Variants in SRGAP1 observed in about 807,000 individuals in gnomAD.
The protein encoded by SRGAP1 is SLIT-ROBO Rho GTPase activating protein 1.
In SRGAP1, 43 loss-of-function variants were observed where a neutral mutation model predicts 121.9. The ratio of observed to expected loss-of-function variants is 0.35; its 90% CI spans 0.28 to 0.46. The LOEUF is 0.46. Among genes scored for constraint, SRGAP1 ranks in the 20% least tolerant of loss-of-function variants. The pLI is 1.00. For missense variants in SRGAP1, 1,102 were observed against 1,350.9 expected, an observed-to-expected ratio of 0.82 and a Z score of 2.89; for synonymous variants, 447 against 485.4, an observed-to-expected ratio of 0.92 and a Z score of 1.04.
intron 1 of SRGAP1, among the ~76,000 whole-genome samples, chr12:63,913,313 C>G (rs1236286855): frequency 6.9e-6 from 1 of 145,310 alleles, no homozygotes. Flanking sequence ...TGCTCATAAC[C>G]ATGCCTAGCT....
chr12:64,040,577 T>A (rs2034995608), intron 4 of SRGAP1, among the ~76,000 whole-genome samples: 1 of 152,304 alleles, frequency 6.6e-6, no homozygotes, highest in African/African-American at 2.4e-5. Flanking sequence ...GGTTTTCGAA[T>A]TCACCCGGAT....
At position 64,079,029 on chromosome 12, in the gene SRGAP1, G is replaced by C. The variant is rs780779940; in HGVS notation, c.1236G>C (p.Lys412Asn). ...ACAGTCGTTCCACAGAATCAGTGAAGTCCACTGTCTCTGAAACCTACCTGA... is the reference window on the plus strand; with the variant it reads ...ACAGTCGTTCCACAGAATCAGTGAACTCCACTGTCTCTGAAACCTACCTGA... Reference protein sequence around the residue: ...FQHSRSTESVKSTVSETYLSK... With the variant: ...FQHSRSTESVNSTVSETYLSK... Residue 412 changes from lysine to asparagine, a missense_variant, in exon 9 of 22, where the codon AAG becomes AAC. Coordinates refer to ENST00000355086, the MANE Select transcript of SRGAP1 (RefSeq NM_020762.4). The C allele has an allele frequency of 1.9e-6, 3 of 1,613,936 alleles. No individual in the cohort carries two copies. Among genetic ancestry groups the C allele is most frequent in the Non-Finnish European group, 2.5e-6 (3 of 1,179,984 alleles).
intron 1 of SRGAP1, among the ~76,000 whole-genome samples, chr12:63,927,246 C>T (rs533721302): frequency 2.2e-4 from 34 of 152,188 alleles, no homozygotes; most frequent in African/African-American, 3.1e-4. Context: ...CTAGAACTTG[C>T]GCTTTGTAAG....
At chr12:64,081,409 G>T (rs2035837199) in intron 10 of SRGAP1, 1 of 151,292 alleles carries the variant, frequency 6.6e-6, no homozygotes, top group Non-Finnish European at 1.5e-5. Flanking sequence ...ATGGAGAAAG[G>T]TTATCATGAC....
intron 18 of SRGAP1, among the ~76,000 whole-genome samples, chr12:64,120,852 G>T (rs1310417277): frequency 2.0e-5 from 3 of 152,006 alleles, no homozygotes; most frequent in East Asian, 3.9e-4. Context: ...TTCCATTTTG[G>T]TCTTTAGTAT....
intron 1 of SRGAP1, among the ~76,000 whole-genome samples, chr12:63,931,899 G>C (rs1273283101): frequency 6.6e-6 from 1 of 152,166 alleles, no homozygotes; most frequent in Non-Finnish European, 1.5e-5. Flanking sequence ...GGTCTGGTTT[G>C]ACTGGAATTT....
chr12:64,077,849 A>G (rs1291099039), intron 8 of SRGAP1, among the ~76,000 whole-genome samples: 2 of 152,176 alleles, frequency 1.3e-5, no homozygotes, highest in Non-Finnish European at 2.9e-5. Context: ...AGTGGGGAAA[A>G]ATATTTGCAA....
chr12:64,142,012 G>A (rs950684514), intron 21 of SRGAP1, among the ~76,000 whole-genome samples: 2 of 152,068 alleles, frequency 1.3e-5, no homozygotes, highest in East Asian at 3.9e-4. Flanking sequence ...TTTTTTTTAA[G>A]TCAGCATGCA....
intron 8 of SRGAP1, among the ~76,000 whole-genome samples, chr12:64,068,532 C>A (rs12824990): frequency 1 from 150,721 of 150,770 alleles, 75,336 homozygotes; most frequent in Middle Eastern, 1. Flanking sequence ...ACAGGGTTTC[C>A]CCATGTTGCC....
In SRGAP1 at chr12:64,044,723, C is replaced by CCAGGCTTT. The variant is rs1480948017; in HGVS notation, c.801+1149_801+1156dup. On this transcript the variant is annotated intron_variant, in intron 6 of 21. Transcript: ENST00000355086. Reference sequence around the variant, plus strand: ...TTAAGACAGAGTCTCACTCTGTCACCCAGGCTTTAGTGCACTGGCACTATC... The same window carrying CCAGGCTTT: ...TTAAGACAGAGTCTCACTCTGTCACCCAGGCTTTCAGGCTTTAGTGCACTGGCACTATC... Among the ~76,000 whole-genome samples, 4 of 131,158 alleles carry CCAGGCTTT rather than the reference C, an allele frequency of 3.0e-5. No homozygotes were observed. In the Admixed American group the frequency reaches 3.3e-4, roughly 11 times the overall value. 86.0% of individuals were successfully genotyped at this position (131,158 alleles called of 152,430 possible).
At chr12:63,960,301 C>T (rs1481900057) in intron 1 of SRGAP1, among the ~76,000 whole-genome samples, 2 of 152,124 alleles carry the variant, frequency 1.3e-5, no homozygotes, top group African/African-American at 2.4e-5. Context: ...TCCGGAGCTT[C>T]TGTGGGTTCC....
chr12:64,156,605 A>C lies in SRGAP1; in HGVS notation c.*13933A>C, dbSNP rs2037166175. On this transcript the variant is annotated 3_prime_UTR_variant, in exon 22 of 22. Coordinates refer to ENST00000355086, the MANE Select transcript of SRGAP1 (RefSeq NM_020762.4). ...AGGCAAAGCTAAAAGGAAATGATAA[A>C]ATAAATGAATATTTATAGAAGTTAA... 6.6e-6 allele frequency: 1 copy of C among 152,192 alleles called. No homozygotes were observed. The highest frequency in any genetic ancestry group is 1.9e-4 in the East Asian group (1 of 5,204). 9.4% of individuals were successfully genotyped at this position (152,192 alleles called of 1,614,324 possible).
At chr12:63,939,424 A>G (rs924171418) in intron 1 of SRGAP1, among the ~76,000 whole-genome samples, 1 of 152,140 alleles carries the variant, frequency 6.6e-6, no homozygotes, top group African/African-American at 2.4e-5. Context: ...TTTTTGCTTC[A>G]GAAAGGCGTA....
intron 4 of SRGAP1, among the ~76,000 whole-genome samples, chr12:64,018,237 C>T (rs547678483): frequency 4.4e-4 from 67 of 152,118 alleles, no homozygotes; most frequent in African/African-American, 1.2e-3. Context: ...TACAGGCATG[C>T]GCCAGCATGC....
intron 3 of SRGAP1, among the ~76,000 whole-genome samples, chr12:63,998,578 G>T (rs1205651459): frequency 6.6e-6 from 1 of 152,104 alleles, no homozygotes; most frequent in Non-Finnish European, 1.5e-5. Flanking sequence ...GGTTCACATG[G>T]CACAGATTCC....
At chr12:64,035,220 T>A (rs2034877874) in intron 4 of SRGAP1, among the ~76,000 whole-genome samples, 1 of 152,094 alleles carries the variant, frequency 6.6e-6, no homozygotes, top group Non-Finnish European at 1.5e-5. Context: ...TATTATCCAT[T>A]TTTTTCTCTC....
chr12:64,015,559 A>G (rs1593044590), intron 3 of SRGAP1, among the ~76,000 whole-genome samples: 1 of 152,348 alleles, frequency 6.6e-6, no homozygotes, highest in East Asian at 1.9e-4. Flanking sequence ...TACTGCTCTG[A>G]TGCCATCTTC....
chr12:64,020,300 A>T (rs1355049134), intron 4 of SRGAP1, among the ~76,000 whole-genome samples: 1 of 152,170 alleles, frequency 6.6e-6, no homozygotes, highest in Admixed American at 6.5e-5. Context: ...GATATGATAG[A>T]TATATAATAC....
intron 1 of SRGAP1, among the ~76,000 whole-genome samples, chr12:63,890,160 G>A (rs964012431): frequency 5.3e-5 from 8 of 152,104 alleles, no homozygotes; most frequent in East Asian, 3.9e-4. Context: ...ATAACTCACC[G>A]TTATTCTTAG....
Sources: gnomAD v4.1 joint callset for allele counts (sites outside exome capture counted in the v4.1 genomes callset) on GRCh38, gnomAD v4.1.1 for gene constraint, MANE v1.5 for transcripts, NCBI Gene and HGNC (gene_info 2026-07-23, HGNC 2026-07-21) for gene names.